Variants in MEI1 observed in about 807,000 individuals in gnomAD.
MEI1 encodes the protein meiotic double-stranded break formation protein 1.
In MEI1, 103 loss-of-function variants were observed where a neutral mutation model predicts 146.2. The ratio of observed to expected loss-of-function variants is 0.70; its 90% CI spans 0.60 to 0.83. MEI1 has a LOEUF of 0.83. Among genes scored for constraint, MEI1 ranks in the 40% least tolerant of loss-of-function variants. The pLI is 0.00. For synonymous variants in MEI1, 652 were observed against 628.2 expected (o/e 1.04, Z -0.57); for missense variants, 1,529 against 1,533.0 (o/e 1.00, Z 0.04).
intron 3 of MEI1, among the ~76,000 whole-genome samples, chr22:41,712,662 A>G (rs1457502648): frequency 9.6e-6 from 1 of 104,438 alleles, no homozygotes; most frequent in African/African-American, 3.9e-5. Flanking sequence ...GTATATTTAA[A>G]TAGAAATAGA....
intron 26 of MEI1, among the ~76,000 whole-genome samples, chr22:41,789,311 CA>C (rs1305460041): frequency 6.6e-6 from 1 of 151,936 alleles, no homozygotes. Flanking sequence ...GACTCCATCT[CA>C]AAAAATAAAT....
intron 26 of MEI1, among the ~76,000 whole-genome samples, chr22:41,786,112 G>A (rs938838523): frequency 2.0e-5 from 3 of 149,720 alleles, no homozygotes; most frequent in African/African-American, 4.9e-5. Flanking sequence ...GGGTTTCACC[G>A]TGTTAGCCAG....
At chr22:41,718,573 C>G (rs775331066) in intron 6 of MEI1, among the ~76,000 whole-genome samples, 34 of 152,322 alleles carry the variant, frequency 2.2e-4, no homozygotes, top group Non-Finnish European at 5.0e-4. Flanking sequence ...CATTGTATAG[C>G]TCACGTCCTG....
Position 41,718,943 on chromosome 22 carries a change from C to T in MEI1, c.733+669C>T, listed in dbSNP as rs148359391. Among the ~76,000 whole-genome samples the T allele has an allele frequency of 7.0e-3, 1,052 of 150,616 alleles. 7 individuals are homozygous for T. Among genetic ancestry groups the T allele is most frequent in the African/African-American group, 0.024 (983 of 40,896 alleles). ...CTTGAGTCCAGTGGTGCTTTCTCAGCTCACTGCAACCTCTACCTCCCCGGT... is the reference window on the plus strand; with the variant it reads ...CTTGAGTCCAGTGGTGCTTTCTCAGTTCACTGCAACCTCTACCTCCCCGGT... On this transcript the variant is annotated intron_variant, in intron 6 of 30. Coordinates refer to ENST00000401548, the MANE Select transcript of MEI1 (RefSeq NM_152513.4).
chr22:41,705,644 T>TAAACA, intron 3 of MEI1, 90 bp downstream of exon 3: 1 of 1,106,684 alleles, frequency 9.0e-7, no homozygotes, highest in Middle Eastern at 2.0e-4. Context: ...CGAAATTGTC[T>TAAACA]GTTTAGACAC....
intron 19 of MEI1, among the ~76,000 whole-genome samples, chr22:41,770,283 T>C (rs762468534): frequency 1.3e-5 from 2 of 152,068 alleles, no homozygotes; most frequent in Non-Finnish European, 2.9e-5. Context: ...CACTGACAAT[T>C]ACAACCCACT....
In MEI1 at chr22:41,778,698, T is replaced by A; in HGVS notation, c.2711-10T>A. On this transcript the variant is annotated splice_polypyrimidine_tract_variant and intron_variant, in intron 21 of 30. Coordinates refer to ENST00000401548, the MANE Select transcript of MEI1 (RefSeq NM_152513.4). ...CAGGCTTCTTGCCCAGTCCTCCTTG[T>A]TCTTCACAGCCTCGGGGAACCTACC... 1 of 1,590,496 alleles carries A rather than the reference T, an allele frequency of 6.3e-7. No homozygotes were observed. The highest frequency in any genetic ancestry group is 8.6e-7 in the Non-Finnish European group (1 of 1,168,212).
intron 17 of MEI1, among the ~76,000 whole-genome samples, chr22:41,755,137 G>A (rs1342823409): frequency 3.3e-5 from 5 of 152,272 alleles, no homozygotes; most frequent in African/African-American, 1.2e-4. Flanking sequence ...TGGATAGAGC[G>A]ATTATAACAG....
chr22:41,768,301 G>A (rs191470469), intron 19 of MEI1, among the ~76,000 whole-genome samples: 118 of 151,698 alleles, frequency 7.8e-4, no homozygotes, highest in Non-Finnish European at 1.3e-3. Context: ...AGAATTGCTT[G>A]AATCCTGGAG....
chr22:41,709,358 C>A (rs1569147989), intron 3 of MEI1: 2 of 735,640 alleles, frequency 2.7e-6, no homozygotes, highest in East Asian at 2.6e-5. Flanking sequence ...TTTGCAGGGG[C>A]CTTTTTAGGC....
In MEI1 at chr22:41,770,263, T is replaced by C. The variant is rs533415921; in HGVS notation, c.2269-423T>C. On this transcript the variant is annotated intron_variant, in intron 19 of 30. Coordinates refer to ENST00000401548, the MANE Select transcript of MEI1 (RefSeq NM_152513.4). The stretch of plus-strand genomic sequence containing the variant: ...GCAGCTTTCAGTCTAGTGTGGGAAG[T>C]AGACATGCACACTGACAATTACAAC... Among the ~76,000 whole-genome samples, 11 of 152,252 alleles carry C rather than the reference T, an allele frequency of 7.2e-5. No individual in the cohort carries two copies. The South Asian group carries it at 2.3e-3, about 32-fold the overall frequency.
At chr22:41,740,088 C>G (rs2072731549) in intron 11 of MEI1, among the ~76,000 whole-genome samples, 1 of 151,812 alleles carries the variant, frequency 6.6e-6, no homozygotes, top group Non-Finnish European at 1.5e-5. Flanking sequence ...GGCTCGATCT[C>G]GGTTCACCAC....
chr22:41,701,347 TGGGCC>T (rs1438728815), intron 1 of MEI1, among the ~76,000 whole-genome samples: 1 of 151,088 alleles, frequency 6.6e-6, no homozygotes, highest in Non-Finnish European at 1.5e-5. Context: ...TGAGAAAGAC[TGGGCC>T]GGGTCCGGTG....
At chr22:41,750,111 A>T (rs2073647495) in intron 15 of MEI1, among the ~76,000 whole-genome samples, 1 of 152,246 alleles carries the variant, frequency 6.6e-6, no homozygotes, top group Admixed American at 6.5e-5. Flanking sequence ...CTGGAGATCT[A>T]GCAGTGAACA....
At position 41,778,754 on chromosome 22, in the gene MEI1, G is replaced by T; in HGVS notation, c.2757G>T (p.Gln919His). 6.2e-7 allele frequency: 1 copy of T among 1,609,372 alleles called. No homozygotes were observed. Residue 919 changes from glutamine to histidine, a missense_variant, in exon 22 of 31, where the codon CAG becomes CAT. Gln to His is a conservative substitution (Grantham distance 24). Transcript: ENST00000401548. Reference protein sequence around the residue: ...PLLLSLLSLMQLRNVSEQELD... With the variant: ...PLLLSLLSLMHLRNVSEQELD... ...TGCTGAGCCTCCTCTCCCTGATGCAGCTCAGGAATGTGTCAGAGCAAGAAC... is the reference window on the plus strand; with the variant it reads ...TGCTGAGCCTCCTCTCCCTGATGCATCTCAGGAATGTGTCAGAGCAAGAAC...
At chr22:41,755,737 G>A (rs918403924) in intron 17 of MEI1, among the ~76,000 whole-genome samples, 4 of 152,162 alleles carry the variant, frequency 2.6e-5, no homozygotes, top group South Asian at 2.1e-4. Flanking sequence ...AAAGGCAGGT[G>A]GATGTGTGTG....
intron 18 of MEI1, among the ~76,000 whole-genome samples, chr22:41,762,144 T>G (rs2074532786): frequency 6.6e-6 from 1 of 152,110 alleles, no homozygotes; most frequent in Admixed American, 6.6e-5. Flanking sequence ...TTTGGGTATA[T>G]TCTCAATCCT....
chr22:41,798,876 C>CAA (rs36107725), intron 30 of MEI1, among the ~76,000 whole-genome samples: 12,238 of 76,282 alleles, frequency 0.16, 737 homozygotes, highest in South Asian at 0.24. Context: ...GACTATGTCT[C>CAA]AAAAAAAAAA....
At position 41,793,818 on chromosome 22, in the gene MEI1, T is replaced by C; in HGVS notation, c.3346-11T>C. ...AAAACCTGACCTGATTTTTTTTTTTTTTTTCTGCAGAAGGACCCTCTATTG... is the reference window on the plus strand; with the variant it reads ...AAAACCTGACCTGATTTTTTTTTTTCTTTTCTGCAGAAGGACCCTCTATTG... On this transcript the variant is annotated splice_polypyrimidine_tract_variant and intron_variant, in intron 26 of 30. Coordinates refer to ENST00000401548, the MANE Select transcript of MEI1 (RefSeq NM_152513.4). The C allele has an allele frequency of 1.3e-6, 2 of 1,564,708 alleles. No homozygotes were observed. Among genetic ancestry groups the C allele is most frequent in the East Asian group, 2.3e-5 (1 of 44,094 alleles).
Sources: allele counts gnomAD v4.1 joint callset (sites outside exome capture counted in the v4.1 genomes callset), GRCh38; gene constraint gnomAD v4.1.1; transcripts MANE v1.5; gene names NCBI Gene and HGNC (gene_info 2026-07-23, HGNC 2026-07-21).